Variants in NTM observed in about 807,000 individuals in gnomAD.
NTM encodes the protein neurotrimin.
Under a neutral mutation model 42.1 loss-of-function variants are expected in NTM, and 13 were observed. The ratio of observed to expected loss-of-function variants is 0.31; its 90% CI spans 0.20 to 0.49. NTM has a LOEUF of 0.49. Among genes scored for constraint, NTM ranks in the 20% least tolerant of loss-of-function variants. The pLI, the probability that NTM is intolerant of heterozygous loss-of-function variation, is 0.99. For missense variants in NTM, 373 were observed against 452.8 expected (o/e 0.82, Z 1.60); for synonymous variants, 187 against 179.2 (o/e 1.04, Z -0.35).
rs758058172 is a variant in NTM at position 132,307,837 on chromosome 11, C to A, written c.661+14C>A. 10 of 1,613,114 alleles carry A rather than the reference C, an allele frequency of 6.2e-6. No individual in the cohort carries two copies. In the Admixed American group the frequency reaches 1.5e-4, roughly 24 times the overall value. On this transcript the variant is annotated intron_variant, in intron 5 of 8. Coordinates refer to ENST00000683400, the MANE Select transcript of NTM (RefSeq NM_001352005.2). ...TCACCGTGAACTGTAAGTGTTCTCA[C>A]CACCACGCGCCCTGCACGTGCATCA...
chr11:132,090,113 T>C (rs914368266), intron 2 of NTM, among the ~76,000 whole-genome samples: 3 of 152,116 alleles, frequency 2.0e-5, no homozygotes, highest in African/African-American at 7.2e-5. Context: ...TACAGAAAGA[T>C]TGAGTAACTT....
intron 1 of NTM, among the ~76,000 whole-genome samples, chr11:131,848,258 C>T (rs1169584458): frequency 6.6e-6 from 1 of 152,192 alleles, no homozygotes. Context: ...TTGGTTACAG[C>T]TAAACAATCT....
intron 4 of NTM, among the ~76,000 whole-genome samples, chr11:132,305,100 C>T (rs1167739588): frequency 6.6e-6 from 1 of 152,198 alleles, no homozygotes; most frequent in South Asian, 2.1e-4. Context: ...TTTTGACTGC[C>T]TTAATATTTG....
chr11:132,103,239 C>T, intron 2 of NTM, among the ~76,000 whole-genome samples: 1 of 152,200 alleles, frequency 6.6e-6, no homozygotes, highest in Non-Finnish European at 1.5e-5. Context: ...GGCACATCGT[C>T]CCTGCCAGAT....
chr11:131,402,237 G>A (rs1591569306), intron 1 of NTM, among the ~76,000 whole-genome samples: 1 of 152,006 alleles, frequency 6.6e-6, no homozygotes, highest in African/African-American at 2.4e-5. Flanking sequence ...ATGATGAAAT[G>A]TTGGATCCAT....
At chr11:132,291,020 A>T (rs1213555128) in intron 4 of NTM, among the ~76,000 whole-genome samples, 1 of 152,204 alleles carries the variant, frequency 6.6e-6, no homozygotes, top group Non-Finnish European at 1.5e-5. Context: ...GAGGCATTAG[A>T]TCACAATGGG....
At chr11:131,575,062 T>G (rs1221254052) in intron 1 of NTM, among the ~76,000 whole-genome samples, 1 of 152,160 alleles carries the variant, frequency 6.6e-6, no homozygotes, top group Non-Finnish European at 1.5e-5. Context: ...CTCAAAATTT[T>G]TCTCAGAAAA....
At position 131,800,450 on chromosome 11, in the gene NTM, C is replaced by T. The variant is rs73595145; in HGVS notation, c.83-111114C>T. Among the ~76,000 whole-genome samples, 646 of 152,340 alleles carry T rather than the reference C, an allele frequency of 4.2e-3. 7 individuals carry two copies. The highest frequency in any genetic ancestry group is 0.015 in the African/African-American group (620 of 41,586). On this transcript the variant is annotated intron_variant, in intron 1 of 8. Transcript: ENST00000683400. ...GTGAAACACAGAACCACAGGTGTCT[C>T]CAAAGGAAGCAACATATCTTTTCTT...
chr11:131,768,494 C>T (rs187660815), intron 1 of NTM, among the ~76,000 whole-genome samples: 372 of 152,272 alleles, frequency 2.4e-3, no homozygotes, highest in Non-Finnish European at 3.6e-3. Context: ...GCTTAGCCAG[C>T]GTCCTGTGAT....
chr11:131,423,814 G>A (rs1947781828), intron 1 of NTM, among the ~76,000 whole-genome samples: 1 of 152,194 alleles, frequency 6.6e-6, no homozygotes, highest in Admixed American at 6.5e-5. Context: ...CAGTCAGGGT[G>A]CAGCACCTTC....
chr11:131,661,797 A>G (rs1217824969), intron 1 of NTM, among the ~76,000 whole-genome samples: 2 of 152,140 alleles, frequency 1.3e-5, no homozygotes, highest in Non-Finnish European at 2.9e-5. Context: ...CAATCCACTG[A>G]TATAATTGAC....
chr11:131,591,570 A>G (rs2059373206), intron 1 of NTM, among the ~76,000 whole-genome samples: 1 of 152,202 alleles, frequency 6.6e-6, no homozygotes, highest in South Asian at 2.1e-4. Flanking sequence ...TGAGCTGGGT[A>G]GTTCCCAGCT....
At chr11:132,208,703 C>T (rs1472077815) in intron 3 of NTM, among the ~76,000 whole-genome samples, 1 of 152,160 alleles carries the variant, frequency 6.6e-6, no homozygotes, top group East Asian at 1.9e-4. Flanking sequence ...ACAGTAAGCC[C>T]TTCCAAAGCA....
intron 1 of NTM, among the ~76,000 whole-genome samples, chr11:131,417,122 C>G (rs1947040489): frequency 6.6e-6 from 1 of 152,192 alleles, no homozygotes; most frequent in Non-Finnish European, 1.5e-5. Flanking sequence ...TTCCATTAAT[C>G]TGAATCACAG....
intron 1 of NTM, among the ~76,000 whole-genome samples, chr11:131,843,676 A>T (rs1478513329): frequency 1.3e-5 from 2 of 152,248 alleles, no homozygotes; most frequent in Non-Finnish European, 2.9e-5. Flanking sequence ...TGGTTTTGCC[A>T]GTTTAAAATC....
At chr11:131,869,864 C>T (rs1565652615) in intron 1 of NTM, among the ~76,000 whole-genome samples, 2 of 152,212 alleles carry the variant, frequency 1.3e-5, no homozygotes, top group Non-Finnish European at 2.9e-5. Flanking sequence ...ACGGCTCTCA[C>T]TCACCTTTCC....
intron 1 of NTM, among the ~76,000 whole-genome samples, chr11:131,859,116 G>T (rs902666656): frequency 3.3e-5 from 5 of 152,048 alleles, no homozygotes; most frequent in Admixed American, 6.5e-5. Context: ...GTGTGCATCC[G>T]TCTGTCCGTC....
chr11:132,152,378 T>G (rs2072132326), intron 3 of NTM, among the ~76,000 whole-genome samples: 1 of 152,198 alleles, frequency 6.6e-6, no homozygotes, highest in Non-Finnish European at 1.5e-5. Context: ...TCTCTAGATG[T>G]CAGTAGCCCT....
chr11:132,108,807 A>G (rs2062767366), intron 2 of NTM, among the ~76,000 whole-genome samples: 1 of 152,114 alleles, frequency 6.6e-6, no homozygotes, highest in South Asian at 2.1e-4. Flanking sequence ...TGCACCCATC[A>G]ACTCATCATC....
Sources: gnomAD v4.1 joint callset for allele counts (sites outside exome capture counted in the v4.1 genomes callset) on GRCh38, gnomAD v4.1.1 for gene constraint, MANE v1.5 for transcripts, NCBI Gene and HGNC (gene_info 2026-07-23, HGNC 2026-07-21) for gene names.